MAP3K5: variants seen among roughly 807,000 people sequenced by gnomAD.
MAP3K5 encodes the protein ASK-1.
In MAP3K5, 56 loss-of-function variants were observed where a neutral mutation model predicts 158.7. The observed-to-expected ratio is 0.35, with a 90% CI of 0.28 to 0.44. The LOEUF is 0.44. MAP3K5 is among the 20% of genes least tolerant of loss of function. The pLI, the probability that MAP3K5 is intolerant of heterozygous loss-of-function variation, is 1.00. For synonymous variants in MAP3K5, 579 were observed against 601.7 expected, an observed-to-expected ratio of 0.96 and a Z score of 0.55; for missense variants, 1,294 against 1,674.8, an observed-to-expected ratio of 0.77 and a Z score of 3.97.
chr6:136,579,311 G>A (rs577477367), intron 25 of MAP3K5, among the ~76,000 whole-genome samples: 5 of 152,148 alleles, frequency 3.3e-5, no homozygotes, highest in African/African-American at 7.2e-5. Flanking sequence ...ATCAAAACAC[G>A]TTGGAGGTTT....
chr6:136,678,312 G>A (rs1779790682), intron 7 of MAP3K5, among the ~76,000 whole-genome samples: 1 of 151,958 alleles, frequency 6.6e-6, no homozygotes, highest in African/African-American at 2.4e-5. Flanking sequence ...GAAAAAAATG[G>A]TATTTTTCAC....
In MAP3K5 at chr6:136,696,052, A is replaced by G. The variant is rs745493265; in HGVS notation, c.981T>C (p.Tyr327=). Residue 327 remains tyrosine, a synonymous_variant, in exon 6 of 30, where the codon TAT becomes TAC. Transcript: ENST00000359015. ...LLLSYRDIQD[Y]DSIVKLVETL... ...TCTCTACCAGCTTCACAATAGAATC[A>G]TAGTCCTTTCAAATTAGATGAGAAT... 1 of 1,592,440 alleles carries G rather than the reference A, an allele frequency of 6.3e-7. No individual in the cohort carries two copies. Among genetic ancestry groups the G allele is most frequent in the South Asian group, 1.1e-5 (1 of 90,204 alleles).
At chr6:136,578,498 A>AT (rs1237529851) in intron 25 of MAP3K5, among the ~76,000 whole-genome samples, 1 of 152,174 alleles carries the variant, frequency 6.6e-6, no homozygotes, top group African/African-American at 2.4e-5. Context: ...GTAGTTTCAG[A>AT]TTGTGGCATC....
Position 136,694,279 on chromosome 6 carries a change from G to A in MAP3K5, c.1114C>T (p.Leu372Phe), listed in dbSNP as rs762129870. ...RNLPGDRAKALDIMIPMVQSE... is the reference protein window; with the variant it reads ...RNLPGDRAKAFDIMIPMVQSE... ...TGCACCATGGGAATCATAATATCAA[G>A]AGCTTTTGCTCTGTCACCAGGGAGA... Residue 372 changes from leucine (L) to phenylalanine (F), a missense_variant, in exon 7 of 30, where the codon CTT (leucine) becomes TTT (phenylalanine). Transcript: ENST00000359015. The A allele has an allele frequency of 3.1e-6, 5 of 1,612,544 alleles. No individual in the cohort carries two copies. In the African/African-American group the frequency reaches 4.0e-5, roughly 13 times the overall value.
chr6:136,754,168 G>A (rs1446966136), intron 1 of MAP3K5, among the ~76,000 whole-genome samples: 1 of 152,122 alleles, frequency 6.6e-6, no homozygotes, highest in African/African-American at 2.4e-5. Flanking sequence ...AGCTATTCAG[G>A]AGGCTAAGGC....
rs1369018016 is a variant in MAP3K5, at chr6:136,676,854, C to T, written c.1254-7459G>A. Among the ~76,000 whole-genome samples the T allele has an allele frequency of 8.9e-5, 13 of 145,802 alleles. No homozygotes were observed. The Admixed American group carries it at 9.0e-4, about 10-fold the overall frequency. The stretch of plus-strand genomic sequence containing the variant: ...TCATCCAGGCTGGAGTTCAGTGGTG[C>T]GATCTCAGCTTGCTGCAACCTCCGC... On this transcript the variant is annotated intron_variant, in intron 7 of 29. Coordinates refer to ENST00000359015, the MANE Select transcript of MAP3K5 (RefSeq NM_005923.4).
chr6:136,692,735 C>A (rs760850454), intron 7 of MAP3K5, among the ~76,000 whole-genome samples: 1 of 152,108 alleles, frequency 6.6e-6, no homozygotes, highest in Non-Finnish European at 1.5e-5. Context: ...CGTTTTTAAG[C>A]CTTGTTTAAG....
Position 136,774,797 on chromosome 6 carries a change from G to A in MAP3K5, c.448+16913C>T, listed in dbSNP as rs79520076. On this transcript the variant is annotated intron_variant, in intron 1 of 29. Transcript: ENST00000359015. Reference sequence around the variant, plus strand: ...AAGCACTCCATTAGGTACTAGAGGTGCAGGGTTAACAAGACAGAAAAAGAG... The same window carrying A: ...AAGCACTCCATTAGGTACTAGAGGTACAGGGTTAACAAGACAGAAAAAGAG... Among the ~76,000 whole-genome samples, 629 of 152,332 alleles carry A rather than the reference G, an allele frequency of 4.1e-3. 10 individuals carry two copies. The East Asian group carries it at 0.079, about 19-fold the overall frequency.
At chr6:136,697,894 A>G (rs1780672642) in intron 4 of MAP3K5, among the ~76,000 whole-genome samples, 1 of 152,022 alleles carries the variant, frequency 6.6e-6, no homozygotes, top group Non-Finnish European at 1.5e-5. Context: ...ACAGGTGTGC[A>G]CCACCACACC....
intron 14 of MAP3K5, among the ~76,000 whole-genome samples, chr6:136,627,689 T>C (rs987933629): frequency 1.3e-5 from 2 of 152,164 alleles, no homozygotes; most frequent in African/African-American, 4.8e-5. Context: ...GAAGGTACCA[T>C]CTAGAGGAAG....
intron 26 of MAP3K5, among the ~76,000 whole-genome samples, chr6:136,566,975 A>G (rs564969398): frequency 2.0e-5 from 3 of 152,250 alleles, no homozygotes; most frequent in Non-Finnish European, 4.4e-5. Flanking sequence ...CCCACATGTC[A>G]ACTGTAGGCA....
At position 136,792,309 on chromosome 6, in the gene MAP3K5, G is replaced by A. The variant is rs1446630165; in HGVS notation, c.-152C>T. The A allele has an allele frequency of 1.9e-6, 2 of 1,047,668 alleles. No individual in the cohort carries two copies. Among genetic ancestry groups the A allele is most frequent in the East Asian group, 8.7e-5 (1 of 11,534 alleles). 64.9% of individuals were successfully genotyped at this position (1,047,668 alleles called of 1,614,324 possible). A position where few individuals can be genotyped will look rare whatever the true frequency, so the allele number is the denominator to read the frequency against. On this transcript the variant is annotated 5_prime_UTR_variant, in exon 1 of 30. Coordinates refer to ENST00000359015, the MANE Select transcript of MAP3K5 (RefSeq NM_005923.4). This position sits in a 1 kb window ranked among gnomAD's most constrained non-coding sequence, Gnocchi z 5.7. ...GCCGCGCCGCCGCCTCCTCTCCGGC[G>A]CCCTCTCCCCCGAGGGCACGCCGCT... is the stretch of plus-strand genomic sequence containing the variant.
In MAP3K5 at chr6:136,602,010, C is replaced by A. The variant is rs375792184; in HGVS notation, c.2680-31G>T. On this transcript the variant is annotated intron_variant, in intron 19 of 29. Coordinates refer to ENST00000359015, the MANE Select transcript of MAP3K5 (RefSeq NM_005923.4). ...ACATAAATATAAAAAGTGCAATGTGCCTTCTGAGTGAACATCTCAGCACCT... is the reference window on the plus strand; with the variant it reads ...ACATAAATATAAAAAGTGCAATGTGACTTCTGAGTGAACATCTCAGCACCT... 3.8e-6 allele frequency: 6 copies of A among 1,586,582 alleles called. No individual in the cohort carries two copies. In the African/African-American group the frequency reaches 8.1e-5, roughly 21 times the overall value.
chr6:136,747,821 G>T (rs541593618), intron 1 of MAP3K5, among the ~76,000 whole-genome samples: 1 of 152,140 alleles, frequency 6.6e-6, no homozygotes, highest in African/African-American at 2.4e-5. Flanking sequence ...AGTAGCAAGG[G>T]TGTAGACTAT....
At chr6:136,727,104 AAAG>A (rs1437610200) in intron 1 of MAP3K5, among the ~76,000 whole-genome samples, 5 of 152,304 alleles carry the variant, frequency 3.3e-5, no homozygotes, top group Admixed American at 1.3e-4. Context: ...TACCTTCTCA[AAAG>A]TAGTAAAATA....
At chr6:136,777,640 A>T (rs1401462549) in intron 1 of MAP3K5, among the ~76,000 whole-genome samples, 1 of 152,238 alleles carries the variant, frequency 6.6e-6, no homozygotes, top group Non-Finnish European at 1.5e-5. Context: ...TAAAGTATAC[A>T]TTCATTAATG....
intron 2 of MAP3K5, among the ~76,000 whole-genome samples, chr6:136,711,752 C>T (rs1781320346): frequency 6.6e-6 from 1 of 151,964 alleles, no homozygotes; most frequent in African/African-American, 2.4e-5. Context: ...ACTTGTCTGT[C>T]TCGTTGGGTT....
At chr6:136,623,867 C>T (rs1410986291) in intron 14 of MAP3K5, among the ~76,000 whole-genome samples, 2 of 152,152 alleles carry the variant, frequency 1.3e-5, no homozygotes, top group African/African-American at 4.8e-5. Context: ...GTTAGATTCA[C>T]CTCACAGCAG....
At chr6:136,577,828 G>T (rs1303079012) in intron 25 of MAP3K5, among the ~76,000 whole-genome samples, 1 of 152,114 alleles carries the variant, frequency 6.6e-6, no homozygotes, top group African/African-American at 2.4e-5. Flanking sequence ...ATTAACATTG[G>T]TATAAACTAT....
Sources: allele counts gnomAD v4.1 joint callset (sites outside exome capture counted in the v4.1 genomes callset), GRCh38; gene constraint gnomAD v4.1.1; non-coding constraint Gnocchi (gnomAD v3.1); transcripts MANE v1.5; gene names NCBI Gene and HGNC (gene_info 2026-07-23, HGNC 2026-07-21).